Variants in PCDHA1 observed in about 807,000 individuals in gnomAD.
The protein encoded by PCDHA1 is protocadherin alpha 1.
Under a neutral mutation model 61.3 loss-of-function variants are expected in PCDHA1, and 42 were observed. The observed-to-expected ratio is 0.69, with a 90% CI of 0.54 to 0.89. The LOEUF is 0.89. Ranked by LOEUF, PCDHA1 falls within the 40% of genes least tolerant of loss-of-function variation. The probability of loss-of-function intolerance (pLI) is 0.00; values close to 1 mark genes in which losing one functional copy is unlikely to be tolerated. For synonymous variants in PCDHA1, 610 were observed against 553.8 expected (o/e 1.10, Z -1.43); for missense variants, 1,256 against 1,235.3 (o/e 1.02, Z -0.25).
intron 1 of PCDHA1, chr5:140,797,305 G>C: frequency 6.2e-7 from 1 of 1,614,228 alleles, no homozygotes; most frequent in African/African-American, 1.3e-5. Context: ...TCAAGGTCCA[G>C]ACTCCGCAGA....
intron 1 of PCDHA1, chr5:140,805,027 T>G (rs1554123190): frequency 6.3e-7 from 1 of 1,579,868 alleles, no homozygotes; most frequent in Non-Finnish European, 8.6e-7. Context: ...TTCTTGAATA[T>G]AATAGAGTCA....
chr5:140,846,374 T>C (rs1024304715), intron 1 of PCDHA1, among the ~76,000 whole-genome samples: 1 of 30,854 alleles, frequency 3.2e-5, no homozygotes, highest in African/African-American at 1.1e-4. Context: ...TCTTTCTTTC[T>C]TTTTTTTTTT....
At chr5:140,796,150 A>C in intron 1 of PCDHA1, 1 of 1,614,162 alleles carries the variant, frequency 6.2e-7, no homozygotes, top group Non-Finnish European at 8.5e-7. Context: ...CGTCCCTTTC[A>C]AGCTGGTGTC....
chr5:141,009,736 G>T lies in PCDHA1; in HGVS notation c.2652G>T (p.Leu884Phe). 1 of 1,614,086 alleles carries T rather than the reference G, an allele frequency of 6.2e-7. No homozygotes were observed. Among genetic ancestry groups the T allele is most frequent in the East Asian group, 2.2e-5 (1 of 44,872 alleles). Residue 884 changes from leucine to phenylalanine, a missense_variant, in exon 4 of 4, where the codon TTG becomes TTT. Leu to Phe is a conservative substitution (Grantham distance 22). Transcript: ENST00000504120. ...GNPKQSGPGE[L>F]PDKFIIPGSP... ...CCAAACAATCCGGTCCCGGTGAGTT[G>T]CCCGACAAATTCATTATCCCAGGAT...
intron 1 of PCDHA1, chr5:140,808,899 G>T: frequency 6.2e-7 from 1 of 1,613,482 alleles, no homozygotes. Context: ...CCTCGGGCGG[G>T]TGGCACTGGT....
intron 1 of PCDHA1, chr5:140,883,197 TC>T: frequency 6.2e-7 from 1 of 1,613,904 alleles, no homozygotes; most frequent in Admixed American, 1.7e-5. Context: ...AAACTAGATT[TC>T]GAAGAAAAGA....
At chr5:140,857,656 G>A (rs1269090821) in intron 1 of PCDHA1, 4 of 1,596,690 alleles carry the variant, frequency 2.5e-6, no homozygotes, top group Admixed American at 3.4e-5. Flanking sequence ...AGGTGAGCGC[G>A]CGCGATGGGG....
At chr5:140,836,800 A>C (rs1774751613) in intron 1 of PCDHA1, 1 of 1,349,242 alleles carries the variant, frequency 7.4e-7, no homozygotes, top group Non-Finnish European at 1.0e-6. Flanking sequence ...TGGTCTCCTT[A>C]AATTTTCTTT....
chr5:140,805,814 T>C lies in PCDHA1; in HGVS notation c.2394+17130T>C, dbSNP rs569949433. 2.6e-5 allele frequency among the ~76,000 whole-genome samples: 4 copies of C among 152,246 alleles called. No individual in the cohort carries two copies. In the East Asian group the frequency reaches 5.8e-4, roughly 22 times the overall value. ...TATCTTTAGAAAATCATAGAGGCTATTGAAACACCACATTTTCCCAACTAG... is the reference window on the plus strand; with the variant it reads ...TATCTTTAGAAAATCATAGAGGCTACTGAAACACCACATTTTCCCAACTAG... On this transcript the variant is annotated intron_variant, in intron 1 of 3. Coordinates refer to ENST00000504120, the MANE Select transcript of PCDHA1 (RefSeq NM_018900.4).
intron 1 of PCDHA1, among the ~76,000 whole-genome samples, chr5:140,889,062 T>C (rs1463008573): frequency 1.3e-5 from 2 of 152,052 alleles, no homozygotes; most frequent in African/African-American, 2.4e-5. Context: ...CCTTTTAATA[T>C]ACTACTTATT....
intron 1 of PCDHA1, among the ~76,000 whole-genome samples, chr5:140,872,690 T>C (rs1485284839): frequency 6.6e-6 from 1 of 152,210 alleles, no homozygotes; most frequent in Non-Finnish European, 1.5e-5. Context: ...ATGGCATGAT[T>C]TATGATTCCA....
intron 1 of PCDHA1, chr5:140,808,225 T>G: frequency 6.2e-7 from 1 of 1,614,252 alleles, no homozygotes; most frequent in Non-Finnish European, 8.5e-7. Context: ...ACAACGATAA[T>G]GTCCCAGATT....
rs905171455 is a variant in PCDHA1 at position 140,851,815 on chromosome 5, A to G, written c.2394+63131A>G. The G allele has an allele frequency of 3.6e-5, 34 of 956,734 alleles. 1 individual carries two copies. Among genetic ancestry groups the G allele is most frequent in the Non-Finnish European group, 5.1e-6 (4 of 790,598 alleles). The allele number at this position is 956,734 out of a possible 1,614,324, so 59.3% of individuals were successfully genotyped here. Reference sequence around the variant, plus strand: ...TTGTTCTGTCAGTAATCCATAAGACAGAAATCTGTTTTTTTAAAAATATCT... The same window carrying G: ...TTGTTCTGTCAGTAATCCATAAGACGGAAATCTGTTTTTTTAAAAATATCT... On this transcript the variant is annotated intron_variant, in intron 1 of 3. Coordinates refer to ENST00000504120, the MANE Select transcript of PCDHA1 (RefSeq NM_018900.4).
intron 1 of PCDHA1, chr5:140,801,253 T>C: frequency 4.3e-6 from 7 of 1,613,752 alleles, no homozygotes; most frequent in Non-Finnish European, 5.9e-6. Context: ...CTTTCTCTTC[T>C]GCTCCTCGCA....
Position 140,788,196 on chromosome 5 carries a change from G to A in PCDHA1, c.1906G>A (p.Val636Ile), listed in dbSNP as rs782183787. ...CACGGGCGAGATCAGCACGACTCGTGTCCTGGACGAGGCTGACTTGTCGCG... is the reference window on the plus strand; with the variant it reads ...CACGGGCGAGATCAGCACGACTCGTATCCTGGACGAGGCTGACTTGTCGCG... ...LYTGEISTTR[V>I]LDEADLSRYR... Residue 636 changes from valine to isoleucine, a missense_variant, in exon 1 of 4, where the codon GTC (valine) becomes ATC (isoleucine). Physicochemically the swap from Val to Ile is conservative, Grantham distance 29. Coordinates refer to ENST00000504120, the MANE Select transcript of PCDHA1 (RefSeq NM_018900.4). The A allele has an allele frequency of 2.4e-5, 38 of 1,614,078 alleles. No individual in the cohort carries two copies. The highest frequency in any genetic ancestry group is 3.2e-5 in the Non-Finnish European group (38 of 1,179,934).
chr5:140,965,942 C>G (rs2095950444), intron 1 of PCDHA1, among the ~76,000 whole-genome samples: 2 of 152,330 alleles, frequency 1.3e-5, no homozygotes, highest in Admixed American at 1.3e-4. Flanking sequence ...AAGAGGGCAG[C>G]ATTTGCCATC....
intron 1 of PCDHA1, chr5:140,823,299 G>A (rs2150124417): frequency 5.6e-6 from 9 of 1,612,248 alleles, no homozygotes; most frequent in Non-Finnish European, 6.8e-6. Context: ...GTTACGTTTC[G>A]GTGCACGCGG....
At chr5:140,865,420 C>T (rs998161335) in intron 1 of PCDHA1, 2 of 152,258 alleles carry the variant, frequency 1.3e-5, no homozygotes, top group South Asian at 2.1e-4. Context: ...TTAGTAGTGT[C>T]TACCTAGAAA....
chr5:140,913,178 A>G (rs2076245523), intron 1 of PCDHA1, among the ~76,000 whole-genome samples: 1 of 152,156 alleles, frequency 6.6e-6, no homozygotes, highest in African/African-American at 2.4e-5. Context: ...TCTTCTTTAA[A>G]TGTTTGGTAG....
Sources: allele counts gnomAD v4.1 joint callset (sites outside exome capture counted in the v4.1 genomes callset), GRCh38; gene constraint gnomAD v4.1.1; transcripts MANE v1.5; gene names NCBI Gene and HGNC (gene_info 2026-07-23, HGNC 2026-07-21).